GRID1: variants seen among roughly 807,000 people sequenced by gnomAD.
The protein encoded by GRID1 is glutamate ionotropic receptor delta type subunit 1.
In GRID1, 28 loss-of-function variants were observed where a neutral mutation model predicts 98.0. That is an observed-to-expected ratio of 0.29 (90% CI 0.21 to 0.39). GRID1 has a LOEUF of 0.39. Ranked by LOEUF, GRID1 falls within the 10% of genes least tolerant of loss-of-function variation. The pLI, the probability that GRID1 is intolerant of heterozygous loss-of-function variation, is 1.00. For synonymous variants in GRID1, 553 were observed against 538.5 expected, an observed-to-expected ratio of 1.03 and a Z score of -0.37; for missense variants, 1,111 against 1,340.5, an observed-to-expected ratio of 0.83 and a Z score of 2.67.
intron 2 of GRID1, among the ~76,000 whole-genome samples, chr10:86,301,428 T>C (rs1445381433): frequency 6.6e-6 from 1 of 152,266 alleles, no homozygotes; most frequent in Non-Finnish European, 1.5e-5. Flanking sequence ...AGATATAAAA[T>C]TACACAGCAT....
At chr10:86,129,873 G>A (rs1344383420) in intron 4 of GRID1, among the ~76,000 whole-genome samples, 3 of 152,240 alleles carry the variant, frequency 2.0e-5, no homozygotes, top group East Asian at 3.8e-4. Flanking sequence ...CCTGCCTGTT[G>A]AGCTGACTTC....
intron 8 of GRID1, among the ~76,000 whole-genome samples, chr10:85,756,110 G>A (rs916762754): frequency 2.0e-4 from 30 of 151,966 alleles, no homozygotes; most frequent in Non-Finnish European, 4.0e-4. Context: ...AAATAGTACC[G>A]AACCCAATTG....
At chr10:85,664,766 G>A (rs116157639) in intron 12 of GRID1, among the ~76,000 whole-genome samples, 2,379 of 152,198 alleles carry the variant, frequency 0.016, 62 homozygotes, top group African/African-American at 0.053. Context: ...CTTTTCAACA[G>A]GAATGTTTTA....
intron 8 of GRID1, among the ~76,000 whole-genome samples, chr10:85,772,387 A>C (rs1842280115): frequency 6.6e-6 from 1 of 151,330 alleles, no homozygotes; most frequent in African/African-American, 2.5e-5. Flanking sequence ...TCCAAAATTG[A>C]CACCCTAATG....
At chr10:85,829,333 A>G (rs1842847249) in intron 8 of GRID1, among the ~76,000 whole-genome samples, 1 of 152,182 alleles carries the variant, frequency 6.6e-6, no homozygotes, top group Admixed American at 6.5e-5. Context: ...TAACAAACCC[A>G]GGGCCAACAT....
intron 12 of GRID1, among the ~76,000 whole-genome samples, chr10:85,717,575 A>G (rs1210466475): frequency 6.6e-6 from 1 of 152,178 alleles, no homozygotes; most frequent in Non-Finnish European, 1.5e-5. Context: ...GGGAGATACA[A>G]TTCAAGCTGA....
intron 4 of GRID1, among the ~76,000 whole-genome samples, chr10:85,925,530 T>C (rs958451858): frequency 6.6e-6 from 1 of 152,210 alleles, no homozygotes; most frequent in Non-Finnish European, 1.5e-5. Flanking sequence ...CCATTTCTCA[T>C]ACACTCTGCT....
intron 8 of GRID1, among the ~76,000 whole-genome samples, chr10:85,738,396 A>T (rs1841907841): frequency 6.6e-6 from 1 of 152,180 alleles, no homozygotes; most frequent in Non-Finnish European, 1.5e-5. Context: ...AGTGTCACTG[A>T]GAATCTGGCA....
At chr10:85,992,206 G>A (rs1842688965) in intron 4 of GRID1, among the ~76,000 whole-genome samples, 1 of 152,068 alleles carries the variant, frequency 6.6e-6, no homozygotes, top group Non-Finnish European at 1.5e-5. Flanking sequence ...GCATGGAAAA[G>A]GGGTTTAGGG....
intron 8 of GRID1, among the ~76,000 whole-genome samples, chr10:85,793,533 G>A (rs1390617708): frequency 6.6e-6 from 1 of 152,182 alleles, no homozygotes; most frequent in Non-Finnish European, 1.5e-5. Flanking sequence ...ATGACTGGAG[G>A]AATCCAGTTC....
intron 2 of GRID1, among the ~76,000 whole-genome samples, chr10:86,311,323 AG>A (rs1403329939): frequency 6.6e-6 from 1 of 152,112 alleles, no homozygotes; most frequent in Non-Finnish European, 1.5e-5. Flanking sequence ...AGCAAGCAGG[AG>A]GAGGATATCC....
At chr10:85,774,871 G>A (rs1842313235) in intron 8 of GRID1, among the ~76,000 whole-genome samples, 1 of 151,342 alleles carries the variant, frequency 6.6e-6, no homozygotes, top group South Asian at 2.1e-4. Context: ...CTTTTACACT[G>A]TTGGTGGGAC....
intron 3 of GRID1, among the ~76,000 whole-genome samples, chr10:86,149,175 T>A (rs1435721396): frequency 6.6e-6 from 1 of 152,164 alleles, no homozygotes; most frequent in Non-Finnish European, 1.5e-5. Flanking sequence ...AAAGGTCATC[T>A]CTCCCTTCTG....
Position 85,729,519 on chromosome 10 carries a change from A to G in GRID1, c.1329T>C (p.Thr443=). 2 of 1,594,002 alleles carry G rather than the reference A, an allele frequency of 1.3e-6. No individual in the cohort carries two copies. Among genetic ancestry groups the G allele is most frequent in the Non-Finnish European group, 1.7e-6 (2 of 1,162,248 alleles). Residue 443 remains threonine, a synonymous_variant, in exon 9 of 16, where the codon ACT becomes ACC. Transcript: ENST00000327946. ...RLQGLTLKVV[T]VLEEPFVMVA... ...AATGTCCCCATGATCCTACCAAGAC[A>G]GTCACCACTTTAAGAGTCAATCCTT... is the stretch of plus-strand genomic sequence containing the variant.
intron 8 of GRID1, among the ~76,000 whole-genome samples, chr10:85,798,638 A>T (rs1842546660): frequency 6.6e-6 from 1 of 152,038 alleles, no homozygotes; most frequent in Non-Finnish European, 1.5e-5. Flanking sequence ...TTTCATATAC[A>T]TACTGTCTCT....
intron 2 of GRID1, among the ~76,000 whole-genome samples, chr10:86,321,989 G>A (rs1309141347): frequency 6.6e-6 from 1 of 151,902 alleles, no homozygotes; most frequent in Non-Finnish European, 1.5e-5. Flanking sequence ...CTAAACGAAC[G>A]CACCCCTGAG....
At chr10:86,230,084 T>A (rs1396246573) in intron 2 of GRID1, among the ~76,000 whole-genome samples, 3 of 152,030 alleles carry the variant, frequency 2.0e-5, no homozygotes, top group Non-Finnish European at 4.4e-5. Flanking sequence ...TAGCAGCAGC[T>A]CCTCCTCCCG....
In GRID1 at chr10:85,916,312, C is replaced by T. The variant is rs1048075525; in HGVS notation, c.727-73G>A. ...GGCAGACACAGGATGATTGCCGAGA[C>T]AGAGTTTTATAAACATTGTTCTTGG... On this transcript the variant is annotated intron_variant, in intron 4 of 15. Transcript: ENST00000327946. This position sits in a 1 kb window ranked among gnomAD's most constrained non-coding sequence, Gnocchi z 4.0. 1 of 1,101,648 alleles carries T rather than the reference C, an allele frequency of 9.1e-7. No homozygotes were observed. 68.2% of individuals were successfully genotyped at this position (1,101,648 alleles called of 1,614,324 possible). A position where few individuals can be genotyped will look rare whatever the true frequency, so the allele number is the denominator to read the frequency against.
intron 4 of GRID1, among the ~76,000 whole-genome samples, chr10:86,006,505 C>G (rs551251386): frequency 4.6e-5 from 7 of 152,220 alleles, no homozygotes; most frequent in Admixed American, 4.6e-4. Context: ...CTAGTCCCAG[C>G]TACTCAGCAG....
Sources: gnomAD v4.1 joint callset for allele counts (sites outside exome capture counted in the v4.1 genomes callset) on GRCh38, gnomAD v4.1.1 for gene constraint, Gnocchi (gnomAD v3.1) non-coding constraint, MANE v1.5 for transcripts, NCBI Gene and HGNC (gene_info 2026-07-23, HGNC 2026-07-21) for gene names.